Variants in BMP7 observed in about 807,000 individuals in gnomAD.
BMP7 encodes osteogenic protein 1.
A neutral mutation model predicts 41.2 loss-of-function variants in BMP7; 12 were observed. The ratio of observed to expected loss-of-function variants is 0.29; its 90% confidence interval spans 0.19 to 0.47. BMP7 has a LOEUF of 0.47. Among genes scored for constraint, BMP7 ranks in the 20% least tolerant of loss-of-function variants. BMP7 has a pLI of 0.99. For missense variants in BMP7, 467 were observed against 606.0 expected (o/e 0.77, Z 2.41); for synonymous variants, 248 against 250.0 (o/e 0.99, Z 0.07).
At chr20:57,219,905 C>T (rs1015029796) in intron 2 of BMP7, among the ~76,000 whole-genome samples, 1 of 152,200 alleles carries the variant, frequency 6.6e-6, no homozygotes, top group Admixed American at 6.5e-5. Flanking sequence ...AGAAACCTGA[C>T]CTGAAACCAG....
chr20:57,249,912 G>C (rs989498041), intron 1 of BMP7, among the ~76,000 whole-genome samples: 1 of 152,024 alleles, frequency 6.6e-6, no homozygotes, highest in Non-Finnish European at 1.5e-5. Flanking sequence ...CCTGAGCCTT[G>C]AGCCACCCAC....
chr20:57,219,759 G>A (rs1048620250), intron 2 of BMP7, among the ~76,000 whole-genome samples: 1 of 152,192 alleles, frequency 6.6e-6, no homozygotes, highest in Non-Finnish European at 1.5e-5. Context: ...CCTTCGGGGT[G>A]CTCTGCGCAG....
chr20:57,222,877 G>C (rs980222082), intron 2 of BMP7, among the ~76,000 whole-genome samples: 2 of 127,096 alleles, frequency 1.6e-5, no homozygotes, highest in East Asian at 2.1e-4. Context: ...AGCCTCTGGA[G>C]CCAGAGTCCA....
In BMP7 at chr20:57,170,879, G is replaced by C; in HGVS notation, c.*80C>G. On this transcript the variant is annotated 3_prime_UTR_variant, in exon 7 of 7. Transcript: ENST00000395863. ...GGGGAAGGTCTCACAAAAGGCAGTT[G>C]GTCTGCTGGTTCCTGGCCAAGGCGA... 1.3e-6 allele frequency: 2 copies of C among 1,560,518 alleles called. No individual in the cohort carries two copies. The highest frequency in any genetic ancestry group is 1.7e-6 in the Non-Finnish European group (2 of 1,145,506).
intron 4 of BMP7, among the ~76,000 whole-genome samples, chr20:57,180,660 T>A (rs944188440): frequency 9.2e-5 from 14 of 152,122 alleles, no homozygotes; most frequent in Admixed American, 9.2e-4. Context: ...AGGCTTCGAA[T>A]ACAAATGAAG....
intron 2 of BMP7, among the ~76,000 whole-genome samples, chr20:57,212,800 G>A (rs767008108): frequency 5.5e-4 from 83 of 152,172 alleles, no homozygotes; most frequent in Non-Finnish European, 9.7e-4. Flanking sequence ...AAGGAAGCCG[G>A]CCCCACCCTG....
intron 1 of BMP7, among the ~76,000 whole-genome samples, chr20:57,260,744 G>A (rs1453975382): frequency 1.3e-5 from 2 of 152,176 alleles, no homozygotes; most frequent in Non-Finnish European, 2.9e-5. Context: ...AACATGACAG[G>A]TCCCACACAT....
intron 4 of BMP7, among the ~76,000 whole-genome samples, chr20:57,177,177 C>T (rs1279897171): frequency 6.6e-6 from 1 of 152,014 alleles, no homozygotes; most frequent in African/African-American, 2.4e-5. Flanking sequence ...AAGCAGCAAG[C>T]CAAGAGTGGA....
intron 3 of BMP7, among the ~76,000 whole-genome samples, chr20:57,192,460 A>G (rs1984392674): frequency 6.6e-6 from 1 of 151,384 alleles, no homozygotes; most frequent in Admixed American, 6.6e-5. Context: ...CAGGAGAACA[A>G]TTCCTTTTCA....
Position 57,265,781 on chromosome 20 carries a change from C to T in BMP7, c.342G>A (p.Gln114=), listed in dbSNP as rs1272904190. Residue 114 remains glutamine, a synonymous_variant, in exon 1 of 7, where the codon CAG becomes CAA. Coordinates refer to ENST00000395863, the MANE Select transcript of BMP7 (RefSeq NM_001719.3). ...SYPYKAVFST[Q]GPPLASLQDS... is the part of the protein sequence containing the mutation. ...CTTGCAGGCTGGCCAGAGGGGGGCC[C>T]TGGGTACTGAAGACGGCCTTGTAGG... 6.2e-7 allele frequency: 1 copy of T among 1,610,518 alleles called. No homozygotes were observed. Among genetic ancestry groups the T allele is most frequent in the African/African-American group, 1.3e-5 (1 of 75,010 alleles).
intron 1 of BMP7, among the ~76,000 whole-genome samples, chr20:57,237,942 T>C (rs1465378790): frequency 2.0e-5 from 3 of 152,250 alleles, no homozygotes; most frequent in Non-Finnish European, 4.4e-5. Context: ...AAAACTTTTA[T>C]TTTTAATTGT....
In BMP7 at chr20:57,259,638, G is replaced by A. The variant is rs2066146201; in HGVS notation, c.418+6067C>T. 6.6e-6 allele frequency among the ~76,000 whole-genome samples: 1 copy of A among 152,192 alleles called. No homozygotes were observed. The highest frequency in any genetic ancestry group is 2.4e-5 in the African/African-American group (1 of 41,440). ...AATTCAATCCACTCCACGCGGATCA[G>A]CACAGGCTTTGCGCGGCTCCCCACA... On this transcript the variant is annotated intron_variant, in intron 1 of 6. Transcript: ENST00000395863. This position sits in a 1 kb window ranked among gnomAD's most constrained non-coding sequence, Gnocchi z 4.7.
intron 1 of BMP7, among the ~76,000 whole-genome samples, chr20:57,237,223 G>T (rs996877018): frequency 1.3e-5 from 2 of 152,196 alleles, no homozygotes; most frequent in Non-Finnish European, 2.9e-5. Context: ...TGAGGATGAA[G>T]CTCAAGGGGC....
intron 3 of BMP7, among the ~76,000 whole-genome samples, chr20:57,191,678 C>T (rs769348540): frequency 2.5e-4 from 37 of 149,730 alleles, no homozygotes; most frequent in African/African-American, 6.4e-4. Flanking sequence ...TGCAGTGAGC[C>T]GGAGATCATG....
At chr20:57,195,503 A>T (rs539500277) in intron 3 of BMP7, among the ~76,000 whole-genome samples, 147 of 152,366 alleles carry the variant, frequency 9.6e-4, no homozygotes, top group African/African-American at 3.4e-3. Flanking sequence ...CCACTGGGTC[A>T]TCAGGCTTTC....
chr20:57,238,706 A>T (rs1478683020), intron 1 of BMP7, among the ~76,000 whole-genome samples: 5 of 152,126 alleles, frequency 3.3e-5, no homozygotes, highest in Admixed American at 3.3e-4. Flanking sequence ...CCAGGAAAAA[A>T]AAAAAGAGGT....
At chr20:57,194,392 C>T (rs767562389) in intron 3 of BMP7, among the ~76,000 whole-genome samples, 4 of 152,176 alleles carry the variant, frequency 2.6e-5, no homozygotes, top group Non-Finnish European at 5.9e-5. Context: ...CAGTCAGGAA[C>T]GCATGATCTG....
At chr20:57,209,936 G>T (rs1247631490) in intron 2 of BMP7, among the ~76,000 whole-genome samples, 28 of 152,184 alleles carry the variant, frequency 1.8e-4, no homozygotes. Flanking sequence ...ACCTAGGTGA[G>T]GGGGCAAGCC....
rs752122835 is a variant in BMP7, at chr20:57,228,306, C to G, written c.534G>C (p.Lys178Asn). The G allele has an allele frequency of 2.5e-6, 4 of 1,614,136 alleles. No homozygotes were observed. The highest frequency in any genetic ancestry group is 3.4e-6 in the Non-Finnish European group (4 of 1,180,024). ...AVTAAEFRIYKDYIRERFDNE... is the reference protein window; with the variant it reads ...AVTAAEFRIYNDYIRERFDNE... ...TGTCGAAGCGTTCCCGGATGTAGTC[C>G]TTGTAGATCCGGAATTCGGCTGCCG... The change falls in exon 2 of 7, where the codon AAG becomes AAC. Residue 178 changes from lysine (K) to asparagine (N), a missense_variant. By Grantham distance (94) the Lys-to-Asn change is moderately conservative (BLOSUM62 0). Coordinates refer to ENST00000395863, the MANE Select transcript of BMP7 (RefSeq NM_001719.3). The surrounding 1 kb of genome is among the most constrained non-coding windows in gnomAD (Gnocchi z 4.5).
Sources: allele counts gnomAD v4.1 joint callset (sites outside exome capture counted in the v4.1 genomes callset), GRCh38; gene constraint gnomAD v4.1.1; non-coding constraint Gnocchi (gnomAD v3.1); transcripts MANE v1.5; gene names NCBI Gene and HGNC (gene_info 2026-07-23, HGNC 2026-07-21).